LARP4B: variants seen among roughly 807,000 people sequenced by gnomAD.
The protein encoded by LARP4B is La ribonucleoprotein 4B.
A neutral mutation model predicts 89.8 loss-of-function variants in LARP4B; 12 were observed. That is an observed-to-expected ratio of 0.13 (90% CI 0.09 to 0.22). The LOEUF is 0.22. LARP4B is among the 10% of genes least tolerant of loss of function. LARP4B has a pLI of 1.00. For synonymous variants in LARP4B, 367 were observed against 363.3 expected, an observed-to-expected ratio of 1.01 and a Z score of -0.12; for missense variants, 757 against 947.7, an observed-to-expected ratio of 0.80 and a Z score of 2.64.
At chr10:960,450 T>C in the LARP4B span, among the ~76,000 whole-genome samples, 1 of 152,050 alleles carries the variant, frequency 6.6e-6, no homozygotes, top group African/African-American at 2.4e-5. Flanking sequence ...CTCACTCCTG[T>C]AATCCCAGCA....
intron 1 of LARP4B, among the ~76,000 whole-genome samples, chr10:896,677 C>G (rs12265025): frequency 6.6e-6 from 1 of 152,204 alleles, no homozygotes; most frequent in Non-Finnish European, 1.5e-5. Flanking sequence ...TAAATACAGA[C>G]AGAGATAAAC....
At chr10:904,419 T>C (rs987192758) in intron 1 of LARP4B, among the ~76,000 whole-genome samples, 1 of 148,090 alleles carries the variant, frequency 6.8e-6, no homozygotes, top group Admixed American at 6.7e-5. Flanking sequence ...TCAAGTGTGG[T>C]GACATGTGCC....
At chr10:827,475 G>A (rs1163931141) in intron 11 of LARP4B, among the ~76,000 whole-genome samples, 11 of 152,230 alleles carry the variant, frequency 7.2e-5, no homozygotes, top group Admixed American at 2.6e-4. Context: ...TTATTAATGC[G>A]TTCCTATTAT....
intron 1 of LARP4B, among the ~76,000 whole-genome samples, chr10:900,219 C>T (rs1209659579): frequency 6.6e-5 from 10 of 151,896 alleles, no homozygotes; most frequent in Non-Finnish European, 1.0e-4. Context: ...TGGTGGCATG[C>T]GCCTGTAATC....
chr10:869,928 TAATAA>T (rs1485841303), intron 3 of LARP4B: 1 of 178,330 alleles, frequency 5.6e-6, no homozygotes, highest in Admixed American at 6.8e-5. Context: ...ATAATAATAA[TAATAA>T]TAATAATAAT....
At chr10:985,635 C>G in the LARP4B span, 1 of 152,326 alleles carries the variant, frequency 6.6e-6, no homozygotes, top group South Asian at 2.1e-4. Flanking sequence ...TTCCTTAGAC[C>G]TCCCTGTTGA....
chr10:968,077 A>T, the LARP4B span, among the ~76,000 whole-genome samples: 1 of 152,270 alleles, frequency 6.6e-6, no homozygotes, highest in African/African-American at 2.4e-5. Context: ...GGCTCAGGAA[A>T]TAGTCAAGCA....
At chr10:937,371 AACC>A in the LARP4B span, among the ~76,000 whole-genome samples, 692 of 152,318 alleles carry the variant, frequency 4.5e-3, 7 homozygotes, top group African/African-American at 0.015. Context: ...ACTATCTTGT[AACC>A]ACCAGAATTC....
At chr10:945,411 G>A in the LARP4B span, among the ~76,000 whole-genome samples, 1 of 150,912 alleles carries the variant, frequency 6.6e-6, no homozygotes, top group African/African-American at 2.4e-5. Context: ...CATGGTCCAG[G>A]CATGGTGGCT....
intron 1 of LARP4B, among the ~76,000 whole-genome samples, chr10:893,166 G>T (rs961609549): frequency 6.6e-6 from 1 of 150,804 alleles, no homozygotes; most frequent in Non-Finnish European, 1.5e-5. Context: ...CACCCCCCTC[G>T]GCCTCCCAAA....
chr10:953,757 C>G, the LARP4B span, among the ~76,000 whole-genome samples: 1 of 152,204 alleles, frequency 6.6e-6, no homozygotes, highest in Admixed American at 6.5e-5. Flanking sequence ...TCCTAGGATG[C>G]GCTAGAAGCA....
chr10:880,675 G>C (rs1835634353), intron 3 of LARP4B, among the ~76,000 whole-genome samples: 1 of 150,034 alleles, frequency 6.7e-6, no homozygotes, highest in Non-Finnish European at 1.5e-5. Context: ...GAGTAACAGA[G>C]TGAGGCTGAC....
chr10:947,622 G>T, the LARP4B span, among the ~76,000 whole-genome samples: 1 of 152,254 alleles, frequency 6.6e-6, no homozygotes, highest in African/African-American at 2.4e-5. Context: ...TGAGTTTTTT[G>T]TTTTGTTTTG....
chr10:983,515 A>G, the LARP4B span, among the ~76,000 whole-genome samples: 7 of 152,226 alleles, frequency 4.6e-5, no homozygotes, highest in Non-Finnish European at 1.0e-4. Context: ...GTTCTGGTGC[A>G]GCCTCTTCCT....
intron 1 of LARP4B, among the ~76,000 whole-genome samples, chr10:894,663 T>C (rs889739582): frequency 7.2e-5 from 11 of 152,232 alleles, no homozygotes; most frequent in African/African-American, 2.7e-4. Flanking sequence ...CATAGTATTG[T>C]TATATTTATT....
chr10:885,588 C>T (rs1030963357), intron 2 of LARP4B, 53 bp downstream of exon 2: 15 of 1,331,966 alleles, frequency 1.1e-5, no homozygotes, highest in Non-Finnish European at 1.6e-5. Context: ...AATATAGAGT[C>T]CTTTATCAAA....
chr10:892,522 A>G (rs1836061641), intron 1 of LARP4B, among the ~76,000 whole-genome samples: 1 of 152,142 alleles, frequency 6.6e-6, no homozygotes. Context: ...TGACATAATG[A>G]TTTAGAGAAA....
intron 7 of LARP4B, among the ~76,000 whole-genome samples, chr10:841,799 G>A (rs957121451): frequency 1.3e-5 from 2 of 152,100 alleles, no homozygotes; most frequent in African/African-American, 4.8e-5. Context: ...ACAGTCAATG[G>A]TAATTATGTT....
chr10:945,393 A>G, the LARP4B span, among the ~76,000 whole-genome samples: 1 of 151,046 alleles, frequency 6.6e-6, no homozygotes. Context: ...CAAAAAAAAA[A>G]AAAAAGACAT....
Sources: gnomAD v4.1 joint callset for allele counts (sites outside exome capture counted in the v4.1 genomes callset) on GRCh38, gnomAD v4.1.1 for gene constraint, MANE v1.5 for transcripts, NCBI Gene and HGNC (gene_info 2026-07-23, HGNC 2026-07-21) for gene names.